RSRC1: variants seen among roughly 807,000 people sequenced by gnomAD.
RSRC1 encodes serine/Arginine-related protein 53.
Under a neutral mutation model 49.1 loss-of-function variants are expected in RSRC1, and 39 were observed. The ratio of observed to expected loss-of-function variants is 0.79; its 90% CI spans 0.61 to 1.04. The LOEUF (loss-of-function observed/expected upper bound fraction) is 1.04. Ranked by LOEUF, RSRC1 falls within the 50% of genes least tolerant of loss-of-function variation. The pLI is 0.00. For synonymous variants in RSRC1, 143 were observed against 130.8 expected (o/e 1.09, Z -0.63); for missense variants, 388 against 402.4 (o/e 0.96, Z 0.31).
intron 3 of RSRC1, among the ~76,000 whole-genome samples, chr3:158,129,370 A>C (rs1449855074): frequency 6.9e-6 from 1 of 145,168 alleles, no homozygotes; most frequent in Admixed American, 7.2e-5. Context: ...ATCTCACTGC[A>C]ACCTCTGCCT....
intron 1 of RSRC1, among the ~76,000 whole-genome samples, chr3:158,111,592 T>C (rs1714414582): frequency 6.6e-6 from 1 of 152,188 alleles, no homozygotes; most frequent in Admixed American, 6.5e-5. Flanking sequence ...TTTATCTCTT[T>C]TGAGATAAAG....
At chr3:158,359,932 C>T (rs1229074723) in intron 6 of RSRC1, among the ~76,000 whole-genome samples, 3 of 152,120 alleles carry the variant, frequency 2.0e-5, no homozygotes, top group Non-Finnish European at 2.9e-5. Context: ...CTTTCCACAG[C>T]CAGAGTATCC....
intron 5 of RSRC1, among the ~76,000 whole-genome samples, chr3:158,302,030 G>T (rs1727579985): frequency 6.9e-6 from 1 of 143,950 alleles, no homozygotes; most frequent in African/African-American, 2.6e-5. Context: ...GTGTGTGTAT[G>T]TGTGGTGTGT....
At chr3:158,212,938 T>C (rs1437733081) in intron 4 of RSRC1, among the ~76,000 whole-genome samples, 1 of 151,958 alleles carries the variant, frequency 6.6e-6, no homozygotes, top group Non-Finnish European at 1.5e-5. Context: ...TTCGAGTTTA[T>C]TCTGTTCTCA....
chr3:158,266,478 T>C (rs1248922564), intron 4 of RSRC1, among the ~76,000 whole-genome samples: 1 of 152,176 alleles, frequency 6.6e-6, no homozygotes, highest in Non-Finnish European at 1.5e-5. Flanking sequence ...TTTTGAAATA[T>C]ATTTATTTAT....
At chr3:158,336,041 C>T (rs1286724507) in intron 5 of RSRC1, among the ~76,000 whole-genome samples, 2 of 152,150 alleles carry the variant, frequency 1.3e-5, no homozygotes, top group Non-Finnish European at 1.5e-5. Context: ...TCATTTAATC[C>T]GCAACTGTAA....
intron 3 of RSRC1, among the ~76,000 whole-genome samples, chr3:158,142,859 C>G (rs948340786): frequency 6.6e-6 from 1 of 152,158 alleles, no homozygotes; most frequent in African/African-American, 2.4e-5. Context: ...GTGCCTCTCT[C>G]TCCCTCACTT....
chr3:158,285,227 G>A (rs1006058722), intron 4 of RSRC1, among the ~76,000 whole-genome samples: 1 of 152,042 alleles, frequency 6.6e-6, no homozygotes, highest in Non-Finnish European at 1.5e-5. Flanking sequence ...TATTTCTGAG[G>A]GCTCTGTTCT....
At chr3:158,430,868 G>T (rs867427780) in intron 6 of RSRC1, among the ~76,000 whole-genome samples, 1 of 151,938 alleles carries the variant, frequency 6.6e-6, no homozygotes, top group Non-Finnish European at 1.5e-5. Flanking sequence ...AAGAGGAATT[G>T]TTAACCTGAA....
chr3:158,318,364 C>T (rs1000319863), intron 5 of RSRC1, among the ~76,000 whole-genome samples: 1 of 152,188 alleles, frequency 6.6e-6, no homozygotes, highest in African/African-American at 2.4e-5. Flanking sequence ...TGGTGAAACC[C>T]TGTCTCTACC....
chr3:158,219,377 G>A (rs896166627), intron 4 of RSRC1, among the ~76,000 whole-genome samples: 14 of 150,982 alleles, frequency 9.3e-5, no homozygotes, highest in African/African-American at 3.4e-4. Context: ...CATTATATAA[G>A]GGCTTACATA....
At chr3:158,268,841 A>G (rs1196597330) in intron 4 of RSRC1, among the ~76,000 whole-genome samples, 1 of 152,208 alleles carries the variant, frequency 6.6e-6, no homozygotes, top group East Asian at 1.9e-4. Flanking sequence ...TTATATCTCT[A>G]TTGCAGATCA....
chr3:158,340,777 G>T (rs1278970520), intron 5 of RSRC1, among the ~76,000 whole-genome samples: 1 of 152,210 alleles, frequency 6.6e-6, no homozygotes, highest in African/African-American at 2.4e-5. Context: ...TTGGAACTGG[G>T]TAACAGGCAG....
At chr3:158,385,853 A>G (rs1334092419) in intron 6 of RSRC1, among the ~76,000 whole-genome samples, 1 of 152,172 alleles carries the variant, frequency 6.6e-6, no homozygotes, top group East Asian at 1.9e-4. Context: ...AATTAAATGA[A>G]GCATTTGATG....
At chr3:158,119,610 GTA>G (rs1454591343) in intron 1 of RSRC1, among the ~76,000 whole-genome samples, 1 of 151,674 alleles carries the variant, frequency 6.6e-6, no homozygotes, top group African/African-American at 2.4e-5. Context: ...ATGGATATAA[GTA>G]TATGTGTGTG....
At chr3:158,399,860 T>C (rs1186938486) in intron 6 of RSRC1, among the ~76,000 whole-genome samples, 1 of 152,172 alleles carries the variant, frequency 6.6e-6, no homozygotes, top group Admixed American at 6.6e-5. Flanking sequence ...TCTATACATT[T>C]CTTTTCTATG....
intron 5 of RSRC1, among the ~76,000 whole-genome samples, chr3:158,341,807 A>G (rs1730258073): frequency 6.6e-6 from 1 of 152,160 alleles, no homozygotes; most frequent in African/African-American, 2.4e-5. Flanking sequence ...TAGCCCATGA[A>G]AGCAGCCGGG....
At chr3:158,252,098 A>C (rs1323018668) in intron 4 of RSRC1, among the ~76,000 whole-genome samples, 1 of 151,190 alleles carries the variant, frequency 6.6e-6, no homozygotes, top group Non-Finnish European at 1.5e-5. Flanking sequence ...CTATTGATTG[A>C]TTTGCATATG....
At chr3:158,482,532 CCTAAAGGCAGG>C (rs1213076203) in intron 7 of RSRC1, among the ~76,000 whole-genome samples, 1 of 151,990 alleles carries the variant, frequency 6.6e-6, no homozygotes, top group East Asian at 1.9e-4. Flanking sequence ...TGTAGTCCTG[CCTAAAGGCAGG>C]AGAATGGACA....
Sources: gnomAD v4.1 joint callset for allele counts (sites outside exome capture counted in the v4.1 genomes callset) on GRCh38, gnomAD v4.1.1 for gene constraint, MANE v1.5 for transcripts, NCBI Gene and HGNC (gene_info 2026-07-23, HGNC 2026-07-21) for gene names.